ANKDD1B: variants seen among roughly 807,000 people sequenced by gnomAD.
The protein encoded by ANKDD1B is ankyrin repeat and death domain containing 1B.
In ANKDD1B, 57 loss-of-function variants were observed where a neutral mutation model predicts 59.7. The ratio of observed to expected loss-of-function variants is 0.95; its 90% CI spans 0.77 to 1.19. The LOEUF (loss-of-function observed/expected upper bound fraction) is 1.19. Among genes scored for constraint, ANKDD1B ranks in the 50% most tolerant of loss-of-function variants. The probability of loss-of-function intolerance (pLI) is 0.00; values close to 1 mark genes in which losing one functional copy is unlikely to be tolerated. For missense variants in ANKDD1B, 602 were observed against 641.9 expected, an observed-to-expected ratio of 0.94 and a Z score of 0.67; for synonymous variants, 216 against 239.5, an observed-to-expected ratio of 0.90 and a Z score of 0.91.
chr5:75,663,259 A>C lies in ANKDD1B; in HGVS notation c.1096-135A>C, dbSNP rs568606641. ...TGGGGTAGTTATAAAGACCCAAAGA[A>C]GCAAAGGACTGGCCTAAGTTTACCC... is the stretch of plus-strand genomic sequence containing the variant. On this transcript the variant is annotated intron_variant, in intron 10 of 13. Coordinates refer to ENST00000601380, the MANE Select transcript of ANKDD1B (RefSeq NM_001276713.2). 1.9e-4 allele frequency: 128 copies of C among 657,022 alleles called. No homozygotes were observed. The South Asian group carries it at 2.2e-3, about 12-fold the overall frequency. 40.7% of individuals were successfully genotyped at this position (657,022 alleles called of 1,614,324 possible).
At chr5:75,634,465 A>G (rs1774244896) in intron 5 of ANKDD1B, among the ~76,000 whole-genome samples, 1 of 152,248 alleles carries the variant, frequency 6.6e-6, no homozygotes, top group Non-Finnish European at 1.5e-5. Flanking sequence ...CCACATAAAT[A>G]ATAAGCCCCA....
At chr5:75,617,971 G>A (rs67969809) in intron 2 of ANKDD1B, among the ~76,000 whole-genome samples, 41,681 of 151,776 alleles carry the variant, frequency 0.27, 6,269 homozygotes, top group South Asian at 0.43. Context: ...GTGTGGGGAT[G>A]AGTGTGGGGA....
At chr5:75,662,972 C>G (rs910434758) in intron 10 of ANKDD1B, among the ~76,000 whole-genome samples, 24 of 152,100 alleles carry the variant, frequency 1.6e-4, no homozygotes, top group African/African-American at 5.6e-4. Context: ...CTTCTACTTC[C>G]TGGTCTAAAG....
chr5:75,663,609 A>G (rs914687258), intron 11 of ANKDD1B, 120 bp downstream of exon 11: 2 of 774,622 alleles, frequency 2.6e-6, no homozygotes, highest in Non-Finnish European at 4.2e-6. Context: ...GGTCAGTACA[A>G]TTATAACTGT....
chr5:75,657,546 C>G (rs1469671450), intron 9 of ANKDD1B, among the ~76,000 whole-genome samples: 1 of 152,012 alleles, frequency 6.6e-6, no homozygotes. Flanking sequence ...ATAGGTTTGT[C>G]AGTATAAGTG....
chr5:75,654,852 C>T (rs75970731), intron 8 of ANKDD1B, among the ~76,000 whole-genome samples: 2 of 152,076 alleles, frequency 1.3e-5, no homozygotes, highest in African/African-American at 2.4e-5. Flanking sequence ...TCTCGCCACT[C>T]GCTTCACACT....
intron 9 of ANKDD1B, among the ~76,000 whole-genome samples, chr5:75,658,741 G>A (rs1775039339): frequency 1.3e-5 from 2 of 151,752 alleles, no homozygotes; most frequent in Admixed American, 1.3e-4. Flanking sequence ...TATATCAAAA[G>A]CGTCTTTTAT....
intron 5 of ANKDD1B, among the ~76,000 whole-genome samples, chr5:75,628,639 T>C (rs1339474866): frequency 6.6e-6 from 1 of 152,224 alleles, no homozygotes; most frequent in Non-Finnish European, 1.5e-5. Context: ...CTCTTTGGCC[T>C]GGAGGGAACT....
intron 5 of ANKDD1B, among the ~76,000 whole-genome samples, chr5:75,627,940 C>T (rs1774036342): frequency 6.6e-6 from 1 of 152,144 alleles, no homozygotes; most frequent in African/African-American, 2.4e-5. Context: ...CCTCCTCTAT[C>T]TGTTGGGAAA....
chr5:75,629,772 CA>C (rs1250254301), intron 5 of ANKDD1B, among the ~76,000 whole-genome samples: 1 of 151,842 alleles, frequency 6.6e-6, no homozygotes, highest in African/African-American at 2.4e-5. Flanking sequence ...CCTGCCTTTA[CA>C]AAAAATACAA....
intron 2 of ANKDD1B, among the ~76,000 whole-genome samples, chr5:75,619,749 G>A (rs1773798591): frequency 6.6e-6 from 1 of 152,172 alleles, no homozygotes; most frequent in East Asian, 1.9e-4. Flanking sequence ...GAGCAAGATA[G>A]TCATAGCTTT....
At chr5:75,621,139 T>C (rs1368247019) in intron 3 of ANKDD1B, among the ~76,000 whole-genome samples, 1 of 152,196 alleles carries the variant, frequency 6.6e-6, no homozygotes, top group Non-Finnish European at 1.5e-5. Context: ...TGTCAAGTTG[T>C]AGCTTTGGGA....
In ANKDD1B at chr5:75,625,879, C is replaced by G; in HGVS notation, c.524C>G (p.Thr175Ser). The part of the protein sequence containing the change: ...QDGMSALHFA[T>S]QSNHVRIVEY... Reference sequence around the variant, plus strand: ...GGAATGAGCGCCCTCCACTTTGCCACTCAGAGCAATCATGTGCGCATCGTG... The same window carrying G: ...GGAATGAGCGCCCTCCACTTTGCCAGTCAGAGCAATCATGTGCGCATCGTG... The change falls in exon 5 of 14, where the codon ACT becomes AGT. Residue 175 changes from threonine (T) to serine (S), a missense_variant. By Grantham distance (58) the Thr-to-Ser change is moderately conservative. Coordinates refer to ENST00000601380, the MANE Select transcript of ANKDD1B (RefSeq NM_001276713.2). 6.5e-7 allele frequency: 1 copy of G among 1,536,376 alleles called. No individual in the cohort carries two copies. Among genetic ancestry groups the G allele is most frequent in the Non-Finnish European group, 8.7e-7 (1 of 1,146,932 alleles).
chr5:75,653,260 A>G lies in ANKDD1B; in HGVS notation c.897+20A>G, dbSNP rs1774877133. 1 of 1,515,376 alleles carries G rather than the reference A, an allele frequency of 6.6e-7. No individual in the cohort carries two copies. The highest frequency in any genetic ancestry group is 2.0e-5 in the Admixed American group (1 of 50,966). The allele number at this position is 1,515,376 out of a possible 1,614,324, so 93.9% of individuals were successfully genotyped here. ...GTGGAAGTGAGTTTATTCCAATGAC[A>G]CGGGCTTTGGTCCTGGCGCCGTGAG... On this transcript the variant is annotated intron_variant, in intron 8 of 13. Transcript: ENST00000601380.
intron 5 of ANKDD1B, among the ~76,000 whole-genome samples, chr5:75,630,991 A>G (rs911550245): frequency 3.3e-5 from 5 of 152,236 alleles, no homozygotes; most frequent in Admixed American, 6.5e-5. Flanking sequence ...TACCTGAATC[A>G]TATGCCCAAT....
rs997395087 is a variant in ANKDD1B, at chr5:75,671,222, T to C, written c.*182T>C. On this transcript the variant is annotated 3_prime_UTR_variant, in exon 14 of 14. Transcript: ENST00000601380. Reference sequence around the variant, plus strand: ...TCAACCACTAAAAAGTCAAATATAGTTTTTTTTGCTGAGGGCAAGTTGTAT... The same window carrying C: ...TCAACCACTAAAAAGTCAAATATAGCTTTTTTTGCTGAGGGCAAGTTGTAT... 2.8e-5 allele frequency: 10 copies of C among 358,378 alleles called. No homozygotes were observed. The highest frequency in any genetic ancestry group is 1.7e-4 in the African/African-American group (8 of 47,590). 22.2% of individuals were successfully genotyped at this position (358,378 alleles called of 1,614,324 possible). A position where few individuals can be genotyped will look rare whatever the true frequency, so the allele number is the denominator to read the frequency against.
intron 10 of ANKDD1B, among the ~76,000 whole-genome samples, chr5:75,660,732 G>C (rs546988014): frequency 6.6e-6 from 1 of 152,244 alleles, no homozygotes; most frequent in Admixed American, 6.5e-5. Context: ...TCAGTGAGGT[G>C]GACAAAATCA....
At chr5:75,661,396 G>GAAAAAAA (rs11357068) in intron 10 of ANKDD1B, among the ~76,000 whole-genome samples, 4 of 36,812 alleles carry the variant, frequency 1.1e-4, no homozygotes, top group Non-Finnish European at 2.3e-4. Flanking sequence ...AACTCCGTCT[G>GAAAAAAA]AAAAAAAAAA....
intron 1 of ANKDD1B, among the ~76,000 whole-genome samples, chr5:75,615,757 A>G (rs1014986276): frequency 2.6e-5 from 4 of 151,920 alleles, no homozygotes; most frequent in African/African-American, 9.7e-5. Context: ...GAGCCCATTT[A>G]TATGACCTCA....
Sources: allele counts gnomAD v4.1 joint callset (sites outside exome capture counted in the v4.1 genomes callset), GRCh38; gene constraint gnomAD v4.1.1; transcripts MANE v1.5; gene names NCBI Gene and HGNC (gene_info 2026-07-23, HGNC 2026-07-21).